The following RAD9B variants were observed in gnomAD, a reference collection of about 807,000 sequenced individuals.
RAD9B encodes the protein cell cycle checkpoint control protein RAD9B.
In RAD9B, 41 loss-of-function variants were observed where a neutral mutation model predicts 48.3. The observed-to-expected ratio is 0.85, with a 90% CI of 0.66 to 1.10. The LOEUF is 1.10. RAD9B is among the 50% of genes least tolerant of loss of function. The pLI is 0.00. For missense variants in RAD9B, 444 were observed against 485.1 expected (o/e 0.92, Z 0.80); for synonymous variants, 160 against 157.9 (o/e 1.01, Z -0.10).
Position 110,506,632 on chromosome 12 carries a change from G to A in RAD9B, c.327G>A (p.Lys109=). The change falls in exon 4 of 11, where the codon AAG becomes AAA. Residue 109 remains lysine (K), a synonymous_variant. Coordinates refer to ENST00000409300, the MANE Select transcript of RAD9B (RefSeq NM_001286535.2). ...CLNSLERNIE[K]CRIFTRSDKC... is the part of the protein sequence containing the mutation. The stretch of plus-strand genomic sequence containing the variant: ...ATTCCCTTGAAAGAAATATAGAGAA[G>A]TGCAGAATATTCACCAGATCTGATA... 6.2e-7 allele frequency: 1 copy of A among 1,605,738 alleles called. No homozygotes were observed. The highest frequency in any genetic ancestry group is 1.1e-5 in the South Asian group (1 of 90,824).
intron 4 of RAD9B, chr12:110,508,192 G>A (rs981483790): frequency 3.5e-5 from 6 of 169,240 alleles, no homozygotes; most frequent in African/African-American, 1.4e-4. Flanking sequence ...CAGTGCATAA[G>A]CTCTCTGAAT....
chr12:110,514,064 C>T (rs769187847), intron 5 of RAD9B, among the ~76,000 whole-genome samples: 2 of 150,846 alleles, frequency 1.3e-5, no homozygotes, highest in South Asian at 2.1e-4. Flanking sequence ...TTCCTTGCTT[C>T]CTTCCTTCCT....
Position 110,514,238 on chromosome 12 carries a change from A to G in RAD9B, c.489-812A>G, listed in dbSNP as rs570179905. ...AGAAACACCGTTAAACCAATGTCTA[A>G]CATCAGATTAACAACAAGATTACAT... On this transcript the variant is annotated intron_variant, in intron 5 of 10. Coordinates refer to ENST00000409300, the MANE Select transcript of RAD9B (RefSeq NM_001286535.2). Among the ~76,000 whole-genome samples, 6 of 152,320 alleles carry G rather than the reference A, an allele frequency of 3.9e-5. No individual in the cohort carries two copies. In the East Asian group the frequency reaches 1.2e-3, roughly 29 times the overall value.
At chr12:110,526,231 G>C (rs1402041973) in intron 10 of RAD9B, among the ~76,000 whole-genome samples, 2 of 151,736 alleles carry the variant, frequency 1.3e-5, no homozygotes. Context: ...AAAAAAAAAA[G>C]ATTTTATAAT....
intron 4 of RAD9B, among the ~76,000 whole-genome samples, chr12:110,508,547 C>G (rs2063360957): frequency 6.6e-6 from 1 of 152,182 alleles, no homozygotes. Context: ...CGGTCCAACT[C>G]AAACTAGCTT....
Position 110,506,647 on chromosome 12 carries a change from C to T in RAD9B, c.342C>T (p.Thr114=). ...ERNIEKCRIF[T]RSDKCKVVIQ... is the part of the protein sequence containing the mutation. ...ATATAGAGAAGTGCAGAATATTCACCAGATCTGATAAATGCAAAGTAGTTA... is the reference window on the plus strand; with the variant it reads ...ATATAGAGAAGTGCAGAATATTCACTAGATCTGATAAATGCAAAGTAGTTA... Residue 114 remains threonine, a synonymous_variant, in exon 4 of 11, where the codon ACC becomes ACT. Transcript: ENST00000409300. The T allele has an allele frequency of 6.2e-7, 1 of 1,603,984 alleles. No individual in the cohort carries two copies. Among genetic ancestry groups the T allele is most frequent in the African/African-American group, 1.3e-5 (1 of 74,798 alleles).
chr12:110,524,389 C>T (rs1346644545), intron 10 of RAD9B, among the ~76,000 whole-genome samples: 1 of 151,774 alleles, frequency 6.6e-6, no homozygotes, highest in Non-Finnish European at 1.5e-5. Flanking sequence ...TGGTGAAACC[C>T]TGTCTCTACT....
intron 9 of RAD9B, among the ~76,000 whole-genome samples, chr12:110,521,351 C>T (rs2063778570): frequency 6.6e-6 from 1 of 151,806 alleles, no homozygotes; most frequent in South Asian, 2.1e-4. Context: ...TCGGGTTTTA[C>T]CATGTTGCCC....
chr12:110,530,932 T>C lies in RAD9B; in HGVS notation c.*279T>C. 1 of 1,155,730 alleles carries C rather than the reference T, an allele frequency of 8.7e-7. No individual in the cohort carries two copies. Among genetic ancestry groups the C allele is most frequent in the African/African-American group, 1.6e-5 (1 of 64,134 alleles). 71.6% of individuals were successfully genotyped at this position (1,155,730 alleles called of 1,614,324 possible). A position where few individuals can be genotyped will look rare whatever the true frequency, so the allele number is the denominator to read the frequency against. ...TAGAGTTCTTCAATTCAATGCACGT[T>C]CACCCTAGAGCTTTTAACATCTTTG... is the stretch of plus-strand genomic sequence containing the variant. On this transcript the variant is annotated 3_prime_UTR_variant, in exon 11 of 11. Transcript: ENST00000409300.
intron 9 of RAD9B, among the ~76,000 whole-genome samples, chr12:110,521,680 A>G (rs1244339188): frequency 6.7e-6 from 1 of 149,272 alleles, no homozygotes; most frequent in Non-Finnish European, 1.5e-5. Flanking sequence ...CTCAGCCTCC[A>G]GAGTAGCTGG....
chr12:110,528,936 C>T (rs1386729838), intron 10 of RAD9B, among the ~76,000 whole-genome samples: 2 of 152,144 alleles, frequency 1.3e-5, no homozygotes, highest in Admixed American at 6.6e-5. Flanking sequence ...CCATCTTGCT[C>T]AGGCTGGTCT....
chr12:110,511,264 G>T (rs1319574391), intron 4 of RAD9B, among the ~76,000 whole-genome samples: 1 of 152,048 alleles, frequency 6.6e-6, no homozygotes, highest in Non-Finnish European at 1.5e-5. Flanking sequence ...ATATATCAAA[G>T]AAATACCTAC....
intron 6 of RAD9B, among the ~76,000 whole-genome samples, chr12:110,516,585 G>A (rs867722115): frequency 2.0e-5 from 3 of 152,272 alleles, no homozygotes; most frequent in South Asian, 4.2e-4. Context: ...GCTGAGGCAG[G>A]CGGATCATGA....
intron 6 of RAD9B, among the ~76,000 whole-genome samples, chr12:110,517,755 C>CACAG (rs1218287137): frequency 9.3e-6 from 1 of 107,736 alleles, no homozygotes; most frequent in Non-Finnish European, 1.8e-5. Flanking sequence ...AACATTGACA[C>CACAG]ACACACACAC....
At chr12:110,526,108 T>A (rs1464267146) in intron 10 of RAD9B, among the ~76,000 whole-genome samples, 11 of 152,234 alleles carry the variant, frequency 7.2e-5, no homozygotes, top group Admixed American at 7.2e-4. Context: ...AAGTCTGGGA[T>A]TACAGGCATG....
In RAD9B at chr12:110,530,602, A is replaced by G. The variant is rs778315480; in HGVS notation, c.1203A>G (p.Arg401=). The G allele has an allele frequency of 6.2e-7, 1 of 1,613,990 alleles. No homozygotes were observed. The highest frequency in any genetic ancestry group is 8.5e-7 in the Non-Finnish European group (1 of 1,179,850). Residue 401 remains arginine, a synonymous_variant, in exon 11 of 11, where the codon AGA becomes AGG. Coordinates refer to ENST00000409300, the MANE Select transcript of RAD9B (RefSeq NM_001286535.2). The part of the protein sequence containing the change: ...HFNHPFDSLA[R]ASDSEEDMNN... The stretch of plus-strand genomic sequence containing the variant: ...ACCACCCTTTCGACAGTCTGGCAAG[A>G]GCAAGTGACAGTGAAGAGGACATGA...
chr12:110,524,728 C>T (rs1245461313), intron 10 of RAD9B, among the ~76,000 whole-genome samples: 4 of 151,886 alleles, frequency 2.6e-5, no homozygotes, highest in East Asian at 2.0e-4. Flanking sequence ...GGTGAAACCC[C>T]GTCTCTACTG....
In RAD9B at chr12:110,506,577, A is replaced by T. The variant is rs373378891; in HGVS notation, c.274-2A>T. On this transcript the variant is annotated splice_acceptor_variant, in intron 3 of 10. Coordinates refer to ENST00000409300, the MANE Select transcript of RAD9B (RefSeq NM_001286535.2). LOFTEE classifies it high-confidence loss of function. Reference sequence around the variant, plus strand: ...TGCTTAATATGTATATTTCTGTTACAGTCAATTTTGCCCATCTTTAGATGT... The same window carrying T: ...TGCTTAATATGTATATTTCTGTTACTGTCAATTTTGCCCATCTTTAGATGT... 8 of 1,368,456 alleles carry T rather than the reference A, an allele frequency of 5.8e-6. No homozygotes were observed. The highest frequency in any genetic ancestry group is 8.4e-6 in the Non-Finnish European group (8 of 957,532). The allele number at this position is 1,368,456 out of a possible 1,614,324, so 84.8% of individuals were successfully genotyped here.
intron 5 of RAD9B, among the ~76,000 whole-genome samples, chr12:110,513,273 AT>A (rs140469319): frequency 0.15 from 21,549 of 146,162 alleles, 2,101 homozygotes; most frequent in African/African-American, 0.28. Flanking sequence ...CTGCCATTAC[AT>A]TTTTTTTTTT....
Sources: allele counts gnomAD v4.1 joint callset (sites outside exome capture counted in the v4.1 genomes callset), GRCh38; gene constraint gnomAD v4.1.1; transcripts MANE v1.5; gene names NCBI Gene and HGNC (gene_info 2026-07-23, HGNC 2026-07-21).